The following COPS3 variants were observed in gnomAD, a reference collection of about 807,000 sequenced individuals.
COPS3 encodes the protein COP9 signalosome subunit 3, also known as COP9 signalosome complex subunit 3.
A neutral mutation model predicts 58.2 loss-of-function variants in COPS3; 10 were observed. That is an observed-to-expected ratio of 0.17 (90% CI 0.11 to 0.29). The LOEUF (loss-of-function observed/expected upper bound fraction) is 0.29. Among genes scored for constraint, COPS3 ranks in the 10% least tolerant of loss-of-function variants. The pLI, the probability that COPS3 is intolerant of heterozygous loss-of-function variation, is 1.00. For missense variants in COPS3, 333 were observed against 510.1 expected (o/e 0.65, Z 3.34); for synonymous variants, 187 against 181.7 (o/e 1.03, Z -0.24).
intron 7 of COPS3, 45 bp downstream of exon 7, chr17:17,261,921 C>G: frequency 6.6e-7 from 1 of 1,514,352 alleles, no homozygotes; most frequent in Non-Finnish European, 9.0e-7. Flanking sequence ...TCTTTATATA[C>G]TCAACATGCT....
At chr17:17,248,680 A>G (rs1200469863) in intron 10 of COPS3, among the ~76,000 whole-genome samples, 1 of 152,096 alleles carries the variant, frequency 6.6e-6, no homozygotes, top group Non-Finnish European at 1.5e-5. Context: ...TTCTTGAGAC[A>G]GAGTCTTGCT....
At chr17:17,265,787 T>C (rs2048209507) in intron 5 of COPS3, among the ~76,000 whole-genome samples, 1 of 152,228 alleles carries the variant, frequency 6.6e-6, no homozygotes, top group Admixed American at 6.5e-5. Flanking sequence ...CAAGACTCAC[T>C]TATCTCTTAA....
intron 6 of COPS3, among the ~76,000 whole-genome samples, chr17:17,264,487 A>G (rs1001444329): frequency 6.6e-6 from 1 of 152,240 alleles, no homozygotes; most frequent in African/African-American, 2.4e-5. Context: ...AAGATCACTC[A>G]GTTCAATCTC....
intron 2 of COPS3, among the ~76,000 whole-genome samples, chr17:17,275,110 T>TGA (rs2048434215): frequency 2.0e-5 from 3 of 149,848 alleles, no homozygotes; most frequent in Admixed American, 6.7e-5. Context: ...TTTTTTTTTT[T>TGA]GAGAGAGTCT....
chr17:17,260,987 G>A (rs941458236), intron 7 of COPS3, among the ~76,000 whole-genome samples: 1 of 152,128 alleles, frequency 6.6e-6, no homozygotes, highest in Non-Finnish European at 1.5e-5. Flanking sequence ...TAAGACCAGG[G>A]ATAGAAAGTC....
intron 4 of COPS3, among the ~76,000 whole-genome samples, chr17:17,270,205 T>C (rs2048316068): frequency 6.6e-6 from 1 of 151,816 alleles, no homozygotes; most frequent in African/African-American, 2.4e-5. Flanking sequence ...ACCATTACAC[T>C]ATACTATGTA....
At chr17:17,277,401 T>C (rs1459612619) in intron 1 of COPS3, among the ~76,000 whole-genome samples, 1 of 152,188 alleles carries the variant, frequency 6.6e-6, no homozygotes, top group Non-Finnish European at 1.5e-5. Context: ...TTTTCCCCTA[T>C]ACTGCAATAC....
intron 1 of COPS3, among the ~76,000 whole-genome samples, chr17:17,279,300 C>T (rs12935953): frequency 0.41 from 62,630 of 151,950 alleles, 15,404 homozygotes; most frequent in East Asian, 0.63. Flanking sequence ...ACCACAACAG[C>T]CCTAGTTCTG....
chr17:17,273,430 G>A (rs1333719374), intron 2 of COPS3, among the ~76,000 whole-genome samples: 1 of 152,148 alleles, frequency 6.6e-6, no homozygotes, highest in Non-Finnish European at 1.5e-5. Context: ...GATTTCTACT[G>A]TCTGTATTTT....
At chr17:17,252,215 T>C (rs888913108) in intron 9 of COPS3, among the ~76,000 whole-genome samples, 3 of 152,220 alleles carry the variant, frequency 2.0e-5, no homozygotes, top group African/African-American at 7.2e-5. Context: ...AGCCGTACAC[T>C]TAAGTGTACT....
At chr17:17,268,844 C>A (rs922312048) in intron 4 of COPS3, among the ~76,000 whole-genome samples, 24 of 140,466 alleles carry the variant, frequency 1.7e-4, no homozygotes, top group African/African-American at 6.3e-4. Flanking sequence ...ACAACAACAA[C>A]AACAAAAATA....
At chr17:17,254,814 G>GAAACAAAAAAAA in intron 9 of COPS3, 45 bp downstream of exon 9, 1 of 814,386 alleles carries the variant, frequency 1.2e-6, no homozygotes, top group South Asian at 1.9e-5. Context: ...ATCTCAAAAA[G>GAAACAAAAAAAA]AAAAAAAAAA....
At chr17:17,278,306 T>G (rs2048503650) in intron 1 of COPS3, among the ~76,000 whole-genome samples, 1 of 152,200 alleles carries the variant, frequency 6.6e-6, no homozygotes, top group East Asian at 1.9e-4. Flanking sequence ...AGTTTCCAAC[T>G]TCTCTATTTC....
rs1055103875 is a variant in COPS3 at position 17,260,591 on chromosome 17, G to A, written c.763-117C>T. On this transcript the variant is annotated intron_variant, in intron 7 of 11. Transcript: ENST00000268717. ...GGCCGAGGCGGACAAATCACCTGGG[G>A]TCAGGGGTTAAACACCAGCCTGACC... The A allele has an allele frequency of 1.8e-5, 16 of 901,736 alleles. No individual in the cohort carries two copies. In the African/African-American group the frequency reaches 2.2e-4, roughly 12 times the overall value. 55.9% of individuals were successfully genotyped at this position (901,736 alleles called of 1,614,324 possible). A position where few individuals can be genotyped will look rare whatever the true frequency, so the allele number is the denominator to read the frequency against.
At chr17:17,257,346 A>G (rs947242914) in intron 8 of COPS3, among the ~76,000 whole-genome samples, 1 of 151,550 alleles carries the variant, frequency 6.6e-6, no homozygotes, top group Admixed American at 6.6e-5. Context: ...CCTGGACAAC[A>G]GAGCGAGACT....
chr17:17,255,655 C>T (rs9894884), intron 8 of COPS3, among the ~76,000 whole-genome samples: 75,680 of 150,194 alleles, frequency 0.5, 19,497 homozygotes, highest in East Asian at 0.63. Context: ...GCCTGGCCAA[C>T]ATGATGAAAC....
chr17:17,269,562 C>T (rs941206541), intron 4 of COPS3, among the ~76,000 whole-genome samples: 1 of 152,108 alleles, frequency 6.6e-6, no homozygotes, highest in African/African-American at 2.4e-5. Context: ...CACCACTGCA[C>T]TCCAGCCTAG....
intron 1 of COPS3, chr17:17,280,737 C>A (rs930231389): frequency 2.4e-6 from 3 of 1,239,318 alleles, no homozygotes; most frequent in Non-Finnish European, 2.1e-6. Flanking sequence ...CAGCAAGCTG[C>A]GGATCGGCGG....
At chr17:17,278,510 T>A (rs2048508082) in intron 1 of COPS3, among the ~76,000 whole-genome samples, 1 of 152,238 alleles carries the variant, frequency 6.6e-6, no homozygotes. Context: ...TGTGATCTTA[T>A]TAGGTGTCAC....
Sources: gnomAD v4.1 joint callset for allele counts (sites outside exome capture counted in the v4.1 genomes callset) on GRCh38, gnomAD v4.1.1 for gene constraint, MANE v1.5 for transcripts, NCBI Gene and HGNC (gene_info 2026-07-23, HGNC 2026-07-21) for gene names.